The following TOGARAM1 variants were observed in gnomAD, a reference collection of about 807,000 sequenced individuals.
The protein encoded by TOGARAM1 is TOG array regulator of axonemal microtubules 1, also known as TOG array regulator of axonemal microtubules protein 1.
Under a neutral mutation model 166.6 loss-of-function variants are expected in TOGARAM1, and 100 were observed. The observed-to-expected ratio is 0.60, with a 90% CI of 0.51 to 0.71. The LOEUF is 0.71. Ranked by LOEUF, TOGARAM1 falls within the 30% of genes least tolerant of loss-of-function variation. The probability of loss-of-function intolerance (pLI) is 0.00; values close to 1 mark genes in which losing one functional copy is unlikely to be tolerated. For synonymous variants in TOGARAM1, 758 were observed against 763.8 expected, an observed-to-expected ratio of 0.99 and a Z score of 0.13; for missense variants, 2,029 against 2,102.7, an observed-to-expected ratio of 0.96 and a Z score of 0.69.
rs966897865 is a variant in TOGARAM1 at position 44,977,391 on chromosome 14, T to C, written c.2046+12924T>C. 5.3e-5 allele frequency among the ~76,000 whole-genome samples: 8 copies of C among 151,982 alleles called. No individual in the cohort carries two copies. In the South Asian group the frequency reaches 8.3e-4, roughly 16 times the overall value. ...CTGGGACTACAGGCACCCGCCACCA[T>C]GCCCAGCTAATTTTTTTTGTATTTT... On this transcript the variant is annotated intron_variant, in intron 1 of 19. Transcript: ENST00000361462.
Position 45,066,559 on chromosome 14 carries a change from C to A in TOGARAM1, c.4560-19C>A. 6.4e-7 allele frequency: 1 copy of A among 1,560,658 alleles called. No individual in the cohort carries two copies. The highest frequency in any genetic ancestry group is 1.2e-5 in the South Asian group (1 of 84,764). On this transcript the variant is annotated intron_variant, in intron 16 of 19. Transcript: ENST00000361462. ...AGGAAAGTACAAATGAAATTACCTT[C>A]ACCTTTCTTTCACTTTAGAGCTGTA...
At chr14:44,993,825 T>A (rs1323110075) in intron 1 of TOGARAM1, among the ~76,000 whole-genome samples, 1 of 152,196 alleles carries the variant, frequency 6.6e-6, no homozygotes, top group Non-Finnish European at 1.5e-5. Context: ...CTCCACCAGT[T>A]GTTGTATGTA....
intron 1 of TOGARAM1, among the ~76,000 whole-genome samples, chr14:44,980,342 A>C (rs1045951033): frequency 6.6e-6 from 1 of 152,192 alleles, no homozygotes; most frequent in Non-Finnish European, 1.5e-5. Context: ...AGATAAATAG[A>C]CCAGTTTGTT....
intron 3 of TOGARAM1, among the ~76,000 whole-genome samples, chr14:45,001,996 A>G (rs535689650): frequency 3.3e-5 from 5 of 152,164 alleles, no homozygotes; most frequent in Non-Finnish European, 7.4e-5. Flanking sequence ...GGTATTTTAA[A>G]TTTTATTGTA....
At chr14:44,995,015 T>C (rs1206772710) in intron 1 of TOGARAM1, among the ~76,000 whole-genome samples, 1 of 152,210 alleles carries the variant, frequency 6.6e-6, no homozygotes, top group African/African-American at 2.4e-5. Context: ...TCATGTTGAA[T>C]GTGAAGTGAT....
intron 15 of TOGARAM1, 100 bp from the exon 16 acceptor site, chr14:45,054,330 CT>C (rs1882526650): frequency 4.3e-6 from 3 of 692,138 alleles, no homozygotes; most frequent in Non-Finnish European, 7.1e-6. Context: ...TACTTTCCAT[CT>C]TAAAAAATCA....
chr14:45,030,598 T>G (rs1298193000), intron 10 of TOGARAM1, among the ~76,000 whole-genome samples: 1 of 152,172 alleles, frequency 6.6e-6, no homozygotes, highest in Non-Finnish European at 1.5e-5. Flanking sequence ...AGGGTCCATC[T>G]GAACCATCAA....
intron 7 of TOGARAM1, among the ~76,000 whole-genome samples, chr14:45,015,316 A>G (rs1341253634): frequency 8.3e-6 from 1 of 120,268 alleles, no homozygotes; most frequent in East Asian, 2.6e-4. Context: ...AAAAATAAAT[A>G]AATAAATAAA....
intron 11 of TOGARAM1, among the ~76,000 whole-genome samples, chr14:45,033,107 G>A (rs1881253911): frequency 6.6e-6 from 1 of 152,030 alleles, no homozygotes; most frequent in Non-Finnish European, 1.5e-5. Context: ...AAAAAAATTA[G>A]CCAGGCATGG....
At chr14:45,061,874 G>A (rs1288953550) in intron 16 of TOGARAM1, among the ~76,000 whole-genome samples, 1 of 151,746 alleles carries the variant, frequency 6.6e-6, no homozygotes, top group Non-Finnish European at 1.5e-5. Context: ...ATCCCTTGTG[G>A]TTTCTTCTTT....
At chr14:45,026,005 T>A (rs946314641) in intron 8 of TOGARAM1, 133 bp downstream of exon 8, 1 of 517,680 alleles carries the variant, frequency 1.9e-6, no homozygotes, top group Non-Finnish European at 3.4e-6. Context: ...TTACATTATC[T>A]TCATTAAAAT....
intron 7 of TOGARAM1, 173 bp from the exon 8 acceptor site, chr14:45,025,610 C>A: frequency 2.1e-6 from 1 of 481,932 alleles, no homozygotes; most frequent in Middle Eastern, 5.4e-4. Context: ...CTAGTCCATT[C>A]TAGTATTGCA....
intron 1 of TOGARAM1, among the ~76,000 whole-genome samples, chr14:44,965,681 G>A (rs925453273): frequency 3.9e-5 from 6 of 151,988 alleles, no homozygotes; most frequent in African/African-American, 1.5e-4. Context: ...TTACTGTTTG[G>A]ATAAGGTGGT....
chr14:45,073,295 G>C lies in TOGARAM1; in HGVS notation c.5057-1G>C, dbSNP rs747256612. 6.2e-7 allele frequency: 1 copy of C among 1,607,450 alleles called. No individual in the cohort carries two copies. Among genetic ancestry groups the C allele is most frequent in the Non-Finnish European group, 8.5e-7 (1 of 1,177,068 alleles). ...CTGTTTTTTATATTTTTATGTTTCA[G>C]ATATTGTTACGGAACTTTATCAAAG... On this transcript the variant is annotated splice_acceptor_variant, in intron 19 of 19. Coordinates refer to ENST00000361462, the MANE Select transcript of TOGARAM1 (RefSeq NM_001308120.2). LOFTEE classifies it high-confidence loss of function.
At chr14:45,034,725 G>A (rs772307149) in intron 11 of TOGARAM1, among the ~76,000 whole-genome samples, 5 of 152,124 alleles carry the variant, frequency 3.3e-5, no homozygotes, top group Non-Finnish European at 7.3e-5. Flanking sequence ...CAAGGCCTAA[G>A]ATGATCAAAC....
chr14:45,047,368 G>C (rs1180763241), intron 14 of TOGARAM1, among the ~76,000 whole-genome samples: 1 of 150,952 alleles, frequency 6.6e-6, no homozygotes, highest in Non-Finnish European at 1.5e-5. Flanking sequence ...CTCCAGCCTG[G>C]GTGACAGAGC....
chr14:45,010,339 C>T (rs1226465328), intron 6 of TOGARAM1, among the ~76,000 whole-genome samples: 1 of 152,022 alleles, frequency 6.6e-6, no homozygotes, highest in Non-Finnish European at 1.5e-5. Flanking sequence ...GTTGTAATTA[C>T]CTAGGTAGAA....
At chr14:44,968,461 G>C (rs1490019298) in intron 1 of TOGARAM1, among the ~76,000 whole-genome samples, 1 of 152,178 alleles carries the variant, frequency 6.6e-6, no homozygotes, top group Non-Finnish European at 1.5e-5. Flanking sequence ...TGTTAGCCAG[G>C]ATGGTCTCGA....
intron 2 of TOGARAM1, among the ~76,000 whole-genome samples, chr14:44,998,879 C>T (rs1887560470): frequency 6.6e-6 from 1 of 151,868 alleles, no homozygotes; most frequent in Admixed American, 6.6e-5. Flanking sequence ...TCTGGATATG[C>T]TTAGAATCTG....
Sources: allele counts gnomAD v4.1 joint callset (sites outside exome capture counted in the v4.1 genomes callset), GRCh38; gene constraint gnomAD v4.1.1; transcripts MANE v1.5; gene names NCBI Gene and HGNC (gene_info 2026-07-23, HGNC 2026-07-21).